The following STX8 variants were observed in gnomAD, a reference collection of about 807,000 sequenced individuals.
STX8 encodes the protein syntaxin-8.
STX8 carries 23 observed loss-of-function variants against 37.5 expected under a neutral mutation model. The ratio of observed to expected loss-of-function variants is 0.61; its 90% confidence interval spans 0.44 to 0.87. STX8 has a LOEUF of 0.87. STX8 is among the 40% of genes least tolerant of loss of function. The pLI is 0.00. For synonymous variants in STX8, 115 were observed against 99.1 expected, an observed-to-expected ratio of 1.16 and a Z score of -0.95; for missense variants, 313 against 284.7, an observed-to-expected ratio of 1.10 and a Z score of -0.71.
intron 7 of STX8, among the ~76,000 whole-genome samples, chr17:9,377,337 G>A (rs1911632563): frequency 6.6e-6 from 1 of 150,688 alleles, no homozygotes; most frequent in Non-Finnish European, 1.5e-5. Flanking sequence ...GTTTCACTCT[G>A]TCACCCAAGT....
At chr17:9,372,899 A>T (rs1220009050) in intron 7 of STX8, among the ~76,000 whole-genome samples, 2 of 149,880 alleles carry the variant, frequency 1.3e-5, no homozygotes, top group African/African-American at 4.9e-5. Context: ...AGGTCAGGAG[A>T]TCGAGACCAG....
intron 6 of STX8, among the ~76,000 whole-genome samples, chr17:9,424,806 G>A (rs971468691): frequency 6.6e-5 from 10 of 152,124 alleles, no homozygotes; most frequent in African/African-American, 1.9e-4. Context: ...GTGCTGCCTA[G>A]GTACAAAGCA....
chr17:9,354,922 T>C (rs1342527779), intron 7 of STX8, among the ~76,000 whole-genome samples: 3 of 152,166 alleles, frequency 2.0e-5, no homozygotes, highest in African/African-American at 7.2e-5. Flanking sequence ...CAGATCTTCT[T>C]TCTAGGGTTA....
chr17:9,296,777 A>G (rs558854905), intron 7 of STX8, among the ~76,000 whole-genome samples: 2 of 152,152 alleles, frequency 1.3e-5, no homozygotes, highest in Admixed American at 1.3e-4. Context: ...TTATACTTAA[A>G]TGTAAAGGAT....
intron 6 of STX8, among the ~76,000 whole-genome samples, chr17:9,480,009 T>C (rs1038304383): frequency 1.3e-5 from 2 of 152,262 alleles, no homozygotes; most frequent in Admixed American, 6.5e-5. Context: ...AGGTAACTGC[T>C]GTTTATCCTT....
At chr17:9,349,251 T>C (rs1910623822) in intron 7 of STX8, among the ~76,000 whole-genome samples, 2 of 151,230 alleles carry the variant, frequency 1.3e-5, no homozygotes, top group Admixed American at 1.3e-4. Context: ...CTCGGCCTGC[T>C]AAAGTGCTTA....
At chr17:9,408,024 T>C (rs1157987595) in intron 6 of STX8, among the ~76,000 whole-genome samples, 1 of 152,096 alleles carries the variant, frequency 6.6e-6, no homozygotes, top group African/African-American at 2.4e-5. Flanking sequence ...AAGAAACATG[T>C]TTTGGGGTAA....
chr17:9,338,509 A>G (rs1910218772), intron 7 of STX8, among the ~76,000 whole-genome samples: 1 of 152,154 alleles, frequency 6.6e-6, no homozygotes, highest in Non-Finnish European at 1.5e-5. Flanking sequence ...TCTTCCAGTC[A>G]TGGTGGCTGG....
intron 7 of STX8, among the ~76,000 whole-genome samples, chr17:9,350,560 G>A (rs375870264): frequency 9.2e-5 from 14 of 151,582 alleles, no homozygotes; most frequent in Admixed American, 5.3e-4. Context: ...TTTTTGAGAC[G>A]GAGTCTCTGT....
At chr17:9,394,088 G>T (rs1912317535) in intron 6 of STX8, among the ~76,000 whole-genome samples, 1 of 152,086 alleles carries the variant, frequency 6.6e-6, no homozygotes, top group Admixed American at 6.6e-5. Flanking sequence ...TAGAAGCAAA[G>T]CAAGTGGCAA....
At chr17:9,497,586 A>G (rs1904453642) in intron 5 of STX8, among the ~76,000 whole-genome samples, 1 of 147,080 alleles carries the variant, frequency 6.8e-6, no homozygotes, top group Non-Finnish European at 1.5e-5. Context: ...CAAAGTCATT[A>G]TCTGACACTC....
intron 4 of STX8, among the ~76,000 whole-genome samples, chr17:9,518,004 C>T (rs1356445702): frequency 4.6e-5 from 7 of 151,964 alleles, no homozygotes; most frequent in Non-Finnish European, 4.4e-5. Context: ...GAATTAATTC[C>T]GAGGTAGGTA....
chr17:9,555,940 A>G (rs984924213), intron 3 of STX8, among the ~76,000 whole-genome samples: 1 of 152,090 alleles, frequency 6.6e-6, no homozygotes. Flanking sequence ...TGCAGTGAGT[A>G]TATTAGGACT....
chr17:9,485,241 C>T (rs950374494), intron 6 of STX8, among the ~76,000 whole-genome samples: 1 of 152,124 alleles, frequency 6.6e-6, no homozygotes, highest in African/African-American at 2.4e-5. Context: ...GTAATCGAGG[C>T]CAAGGATGAC....
intron 4 of STX8, among the ~76,000 whole-genome samples, chr17:9,510,078 A>C (rs1904973267): frequency 6.6e-6 from 1 of 152,232 alleles, no homozygotes; most frequent in Non-Finnish European, 1.5e-5. Flanking sequence ...CAACAAGAGA[A>C]TGTAACAACT....
At chr17:9,379,766 C>T (rs550284949) in intron 6 of STX8, among the ~76,000 whole-genome samples, 9 of 152,030 alleles carry the variant, frequency 5.9e-5, no homozygotes, top group Non-Finnish European at 8.8e-5. Context: ...GTTGGGAGTT[C>T]GAGACCAGCC....
chr17:9,400,375 C>CA (rs1381223409), intron 6 of STX8, among the ~76,000 whole-genome samples: 1 of 151,668 alleles, frequency 6.6e-6, no homozygotes, highest in African/African-American at 2.4e-5. Flanking sequence ...GCTGGGGTTA[C>CA]AGGTGTGAGC....
At position 9,460,410 on chromosome 17, in the gene STX8, C is replaced by T. The variant is rs1174810219; in HGVS notation, c.541+31419G>A. 2.6e-5 allele frequency among the ~76,000 whole-genome samples: 4 copies of T among 152,244 alleles called. 1 individual carries two copies. Among genetic ancestry groups the T allele is most frequent in the Admixed American group, 2.0e-4 (3 of 15,286 alleles). Reference sequence around the variant, plus strand: ...AAATTCAGCCAGGTGCAGTGGCTCACGCTTGTAAGCCCAGCTCTTTGGGAG... The same window carrying T: ...AAATTCAGCCAGGTGCAGTGGCTCATGCTTGTAAGCCCAGCTCTTTGGGAG... On this transcript the variant is annotated intron_variant, in intron 6 of 7. Transcript: ENST00000306357.
At chr17:9,304,140 C>G (rs931844876) in intron 7 of STX8, among the ~76,000 whole-genome samples, 1 of 142,094 alleles carries the variant, frequency 7.0e-6, no homozygotes, top group Non-Finnish European at 1.5e-5. Context: ...CATCAACAGA[C>G]TGTTAAGAAA....
Sources: gnomAD v4.1 joint callset for allele counts (sites outside exome capture counted in the v4.1 genomes callset) on GRCh38, gnomAD v4.1.1 for gene constraint, MANE v1.5 for transcripts, NCBI Gene and HGNC (gene_info 2026-07-23, HGNC 2026-07-21) for gene names.